The following OR2Z1 variants were observed in gnomAD, a reference collection of about 807,000 sequenced individuals.
OR2Z1 encodes olfactory receptor 2Z1.
For synonymous variants in OR2Z1, 188 were observed against 160.6 expected (o/e 1.17, Z -1.29); for missense variants, 449 against 401.8 (o/e 1.12, Z -1.00).
chr19:8,727,795 A>C (rs1347564959), intron 2 of OR2Z1, among the ~76,000 whole-genome samples: 1 of 152,178 alleles, frequency 6.6e-6, no homozygotes, highest in African/African-American at 2.4e-5. Context: ...TGAACCGGGG[A>C]GGCGGAAGTT....
At chr19:8,724,964 T>C (rs1385078236) in intron 2 of OR2Z1, among the ~76,000 whole-genome samples, 2 of 152,194 alleles carry the variant, frequency 1.3e-5, no homozygotes, top group African/African-American at 4.8e-5. Context: ...GTATTATTTC[T>C]GTCTGGAACA....
intron 2 of OR2Z1, among the ~76,000 whole-genome samples, chr19:8,729,604 T>G (rs2043342809): frequency 6.6e-6 from 1 of 151,804 alleles, no homozygotes; most frequent in African/African-American, 2.4e-5. Context: ...TGGTTTTTTT[T>G]TTTTTGACGG....
At position 8,731,574 on chromosome 19, in the gene OR2Z1, A is replaced by G. The variant is rs1381509596; in HGVS notation, c.546A>G (p.Pro182=). 4 of 1,614,018 alleles carry G rather than the reference A, an allele frequency of 2.5e-6. No individual in the cohort carries two copies. Among genetic ancestry groups the G allele is most frequent in the Non-Finnish European group, 3.4e-6 (4 of 1,180,016 alleles). ...TGGATCACTTCTTCTGTGAGGTGCC[A>G]GCCCTACTGAAGCTCTCCTGTGCAG... is the stretch of plus-strand genomic sequence containing the variant. ...RIVDHFFCEV[P]ALLKLSCADT... is the part of the protein sequence containing the mutation. The change falls in exon 3 of 3, where the codon CCA becomes CCG. Residue 182 remains proline (P), a synonymous_variant. Coordinates refer to ENST00000641125, the MANE Select transcript of OR2Z1 (RefSeq NM_001004699.3).
Position 8,732,020 on chromosome 19 carries a change from C to A in OR2Z1, c.*47C>A. 1 of 1,431,842 alleles carries A rather than the reference C, an allele frequency of 7.0e-7. No homozygotes were observed. Among genetic ancestry groups the A allele is most frequent in the South Asian group, 1.3e-5 (1 of 77,892 alleles). The allele number at this position is 1,431,842 out of a possible 1,614,324, so 88.7% of individuals were successfully genotyped here. A position where few individuals can be genotyped will look rare whatever the true frequency, so the allele number is the denominator to read the frequency against. On this transcript the variant is annotated 3_prime_UTR_variant, in exon 3 of 3. Transcript: ENST00000641125. ...GATTCCAGCGGTCCTCGATCCCACC[C>A]ACCTTCCCAAAGTATGCATTTGGCA...
At chr19:8,730,265 C>T (rs2043346177) in intron 2 of OR2Z1, among the ~76,000 whole-genome samples, 1 of 152,050 alleles carries the variant, frequency 6.6e-6, no homozygotes, top group Non-Finnish European at 1.5e-5. Context: ...CCAAGCAAGC[C>T]CTTCTCTCTG....
rs147836397 is a variant in OR2Z1 at position 8,726,888 on chromosome 19, G to A, written c.-170+3738G>A. Among the ~76,000 whole-genome samples, 6 of 152,026 alleles carry A rather than the reference G, an allele frequency of 3.9e-5. No homozygotes were observed. In the East Asian group the frequency reaches 1.2e-3, roughly 29 times the overall value. On this transcript the variant is annotated intron_variant, in intron 2 of 2. Transcript: ENST00000641125. ...TTGCTCTTAAATGATCAGTCTTGCT[G>A]CTTTTTTCTTTTTTTTTAAATTTAA...
At chr19:8,728,366 G>A (rs1470402369) in intron 2 of OR2Z1, among the ~76,000 whole-genome samples, 1 of 152,094 alleles carries the variant, frequency 6.6e-6, no homozygotes, top group Non-Finnish European at 1.5e-5. Flanking sequence ...TAGAGCTAGT[G>A]TCTCATAGTA....
Position 8,731,134 on chromosome 19 carries a change from G to T in OR2Z1, c.106G>T (p.Val36Phe), listed in dbSNP as rs2043351270. The change falls in exon 3 of 3, where the codon GTC becomes TTC. Residue 36 changes from valine (V) to phenylalanine (F), a missense_variant. Val to Phe is a conservative substitution (Grantham distance 50). Transcript: ENST00000641125. ...CTTCTCCCTGGTGGCTGTCATGTTT[G>T]TCATAGGCCTTCTGGGCAACACCGT... ...LLFSLVAVMF[V>F]IGLLGNTVLL... 6.2e-7 allele frequency: 1 copy of T among 1,613,984 alleles called. No homozygotes were observed. Among genetic ancestry groups the T allele is most frequent in the African/African-American group, 1.3e-5 (1 of 74,886 alleles).
chr19:8,722,388 C>T (rs2043311024), intron 1 of OR2Z1, among the ~76,000 whole-genome samples: 1 of 152,042 alleles, frequency 6.6e-6, no homozygotes, highest in Admixed American at 6.6e-5. Context: ...TCATAACGGA[C>T]TGATGTGAGT....
At position 8,731,499 on chromosome 19, in the gene OR2Z1, C is replaced by A. The variant is rs2043355425; in HGVS notation, c.471C>A (p.Ser157=). The part of the protein sequence containing the change: ...SSWVVGVLNA[S]IQTSITLHFP... ...GGGTGGTAGGTGTGCTCAACGCCTC[C>A]ATCCAGACCTCCATCACCCTGCATT... The change falls in exon 3 of 3, where the codon TCC becomes TCA. Residue 157 remains serine (S), a synonymous_variant. Transcript: ENST00000641125. The A allele has an allele frequency of 1.9e-6, 3 of 1,614,100 alleles. No homozygotes were observed. Among genetic ancestry groups the A allele is most frequent in the Non-Finnish European group, 2.5e-6 (3 of 1,180,030 alleles).
chr19:8,728,800 C>G, intron 2 of OR2Z1: 1 of 632,148 alleles, frequency 1.6e-6, no homozygotes, highest in Non-Finnish European at 3.0e-6. Flanking sequence ...CGAACATATG[C>G]CTTCTTCTCT....
In OR2Z1 at chr19:8,731,386, T is replaced by G. The variant is rs1555756738; in HGVS notation, c.358T>G (p.Tyr120Asp). ...AEGVLLVLMS[Y>D]DRYVAVCQPL... ...GGGCGTCCTGTTGGTCCTCATGTCT[T>G]ATGACCGTTATGTTGCTGTGTGCCA... Residue 120 changes from tyrosine to aspartate, a missense_variant, in exon 3 of 3, where the codon TAT becomes GAT. Transcript: ENST00000641125. The G allele has an allele frequency of 6.2e-6, 10 of 1,613,920 alleles. No homozygotes were observed. Among genetic ancestry groups the G allele is most frequent in the Non-Finnish European group, 7.6e-6 (9 of 1,180,002 alleles).
chr19:8,724,055 A>C (rs1302272989), intron 2 of OR2Z1, among the ~76,000 whole-genome samples: 1 of 150,618 alleles, frequency 6.6e-6, no homozygotes, highest in South Asian at 2.1e-4. Context: ...TATCTATTAC[A>C]GTGTTTGGAG....
intron 2 of OR2Z1, among the ~76,000 whole-genome samples, chr19:8,726,694 C>T (rs2043329001): frequency 6.6e-6 from 1 of 152,186 alleles, no homozygotes; most frequent in Non-Finnish European, 1.5e-5. Flanking sequence ...GGGCATGACA[C>T]ATTTTGTTGA....
chr19:8,725,544 A>G (rs574987791), intron 2 of OR2Z1, among the ~76,000 whole-genome samples: 1 of 152,226 alleles, frequency 6.6e-6, no homozygotes, highest in South Asian at 2.1e-4. Context: ...CGCCCAGCCA[A>G]ACTCCCATAC....
At chr19:8,727,832 A>G (rs782254739) in intron 2 of OR2Z1, among the ~76,000 whole-genome samples, 1 of 152,158 alleles carries the variant, frequency 6.6e-6, no homozygotes, top group South Asian at 2.1e-4. Flanking sequence ...ACGCCACTGT[A>G]CTCCCGCCTG....
Position 8,731,057 on chromosome 19 carries a change from C to G in OR2Z1, c.29C>G (p.Ser10Ter), listed in dbSNP as rs2043350648. The change falls in exon 3 of 3, where the codon TCA becomes TGA. Residue 10 changes from serine to a stop codon, truncating the protein, a stop_gained. Coordinates refer to ENST00000641125, the MANE Select transcript of OR2Z1 (RefSeq NM_001004699.3). LOFTEE classifies it low-confidence loss of function (END_TRUNC). MGDVNQSVA[S>*]DFILVGLFSH... ...GGGGATGTGAATCAGTCGGTGGCCT[C>G]AGACTTCATTCTGGTGGGCCTCTTC... The G allele has an allele frequency of 1.2e-6, 2 of 1,614,148 alleles. No homozygotes were observed. Among genetic ancestry groups the G allele is most frequent in the Middle Eastern group, 1.7e-4 (1 of 6,060 alleles).
chr19:8,727,098 C>T (rs782341383), intron 2 of OR2Z1, among the ~76,000 whole-genome samples: 10 of 152,040 alleles, frequency 6.6e-5, no homozygotes, highest in East Asian at 3.9e-4. Context: ...TGTATCACCC[C>T]GCCCAGCTAA....
chr19:8,723,774 G>T (rs1568437511), intron 2 of OR2Z1, among the ~76,000 whole-genome samples: 1 of 152,140 alleles, frequency 6.6e-6, no homozygotes, highest in South Asian at 2.1e-4. Context: ...CTGCAGAGTT[G>T]TTGGTGCAGA....
Sources: allele counts gnomAD v4.1 joint callset (sites outside exome capture counted in the v4.1 genomes callset), GRCh38; gene constraint gnomAD v4.1.1; transcripts MANE v1.5; gene names NCBI Gene and HGNC (gene_info 2026-07-23, HGNC 2026-07-21).